Variants in PSTPIP1 observed in about 807,000 individuals in gnomAD.
The protein encoded by PSTPIP1 is proline-serine-threonine phosphatase-interacting protein 1.
PSTPIP1 carries 66 observed loss-of-function variants against 69.6 expected under a neutral mutation model. That is an observed-to-expected ratio of 0.95 (90% confidence interval 0.78 to 1.16). PSTPIP1 has a LOEUF of 1.16. Among genes scored for constraint, PSTPIP1 ranks in the 50% most tolerant of loss-of-function variants. PSTPIP1 has a pLI of 0.00. For missense variants in PSTPIP1, 603 were observed against 557.4 expected (o/e 1.08, Z -0.82); for synonymous variants, 266 against 222.7 (o/e 1.19, Z -1.73).
At chr15:77,009,708 G>A (rs910257184) in intron 1 of PSTPIP1, among the ~76,000 whole-genome samples, 11 of 152,166 alleles carry the variant, frequency 7.2e-5, no homozygotes, top group Non-Finnish European at 1.0e-4. Flanking sequence ...AGTGGGTGAT[G>A]CTCTCATCCC....
chr15:77,030,114 G>C (rs2076379478), intron 8 of PSTPIP1, among the ~76,000 whole-genome samples: 1 of 152,156 alleles, frequency 6.6e-6, no homozygotes, highest in African/African-American at 2.4e-5. Context: ...GTGACCTCCA[G>C]AGATCTGGGC....
chr15:77,003,156 A>G (rs962702709), intron 1 of PSTPIP1, among the ~76,000 whole-genome samples: 4 of 152,040 alleles, frequency 2.6e-5, no homozygotes, highest in Non-Finnish European at 5.9e-5. Context: ...CTCTCATGCA[A>G]AAGAGGACAG....
intron 1 of PSTPIP1, 36 bp from the exon 2 acceptor site, chr15:77,018,112 C>T (rs1450800272): frequency 1.2e-5 from 19 of 1,548,410 alleles, no homozygotes; most frequent in Middle Eastern, 1.7e-4. Flanking sequence ...GTCGCCTGGT[C>T]GTGGCCCTCA....
intron 3 of PSTPIP1, among the ~76,000 whole-genome samples, chr15:77,020,395 A>G (rs2076136783): frequency 6.6e-6 from 1 of 152,102 alleles, no homozygotes; most frequent in Non-Finnish European, 1.5e-5. Flanking sequence ...TCACAAGGAC[A>G]AGCAGAGAGT....
intron 1 of PSTPIP1, chr15:77,015,716 G>A (rs1404499580): frequency 1.4e-5 from 5 of 351,658 alleles, no homozygotes; most frequent in Non-Finnish European, 2.8e-5. Context: ...TGCCCTCGAG[G>A]AAGTGGCAGG....
At chr15:77,013,341 G>T (rs1362240703) in intron 1 of PSTPIP1, among the ~76,000 whole-genome samples, 1 of 152,190 alleles carries the variant, frequency 6.6e-6, no homozygotes, top group Non-Finnish European at 1.5e-5. Context: ...AAAGAGAACA[G>T]GGTCAGTTTC....
At chr15:77,034,815 C>T (rs899180461) in intron 12 of PSTPIP1, among the ~76,000 whole-genome samples, 3 of 152,260 alleles carry the variant, frequency 2.0e-5, no homozygotes, top group Non-Finnish European at 1.5e-5. Context: ...GTGCCCCCAG[C>T]ATCTGCCGCA....
intron 5 of PSTPIP1, 98 bp downstream of exon 5, chr15:77,025,702 A>C: frequency 8.8e-5 from 39 of 440,826 alleles, no homozygotes; most frequent in Non-Finnish European, 1.4e-4. Flanking sequence ...GAGCCAGTGG[A>C]GGGCGGCAGG....
chr15:77,013,412 G>A (rs894648681), intron 1 of PSTPIP1, among the ~76,000 whole-genome samples: 3 of 152,206 alleles, frequency 2.0e-5, no homozygotes, highest in African/African-American at 7.2e-5. Context: ...TCCATGGGGG[G>A]GTGGTGGGGC....
intron 1 of PSTPIP1, among the ~76,000 whole-genome samples, chr15:77,013,473 G>T (rs1568494051): frequency 6.6e-6 from 1 of 152,120 alleles, no homozygotes; most frequent in Non-Finnish European, 1.5e-5. Context: ...TGGTACTGTT[G>T]TAACTGGTGA....
intron 1 of PSTPIP1, among the ~76,000 whole-genome samples, chr15:76,996,652 C>CGTGTGA: frequency 6.6e-6 from 1 of 152,378 alleles, no homozygotes; most frequent in Non-Finnish European, 1.5e-5. Flanking sequence ...CTGTGGCCAG[C>CGTGTGA]GTGTGAGTGT....
chr15:77,014,058 G>A (rs978536923), intron 1 of PSTPIP1, among the ~76,000 whole-genome samples: 1 of 152,128 alleles, frequency 6.6e-6, no homozygotes, highest in Non-Finnish European at 1.5e-5. Context: ...AACTGCCCCT[G>A]GGTGACAGGC....
At chr15:77,009,439 C>T (rs1201960441) in intron 1 of PSTPIP1, among the ~76,000 whole-genome samples, 1 of 152,192 alleles carries the variant, frequency 6.6e-6, no homozygotes, top group Non-Finnish European at 1.5e-5. Context: ...CATATCAGCC[C>T]TATAAGGGCT....
In PSTPIP1 at chr15:77,035,859, T is replaced by C. The variant is rs1309288797; in HGVS notation, c.1043T>C (p.Ile348Thr). The C allele has an allele frequency of 1.9e-6, 3 of 1,610,436 alleles. No individual in the cohort carries two copies. The highest frequency in any genetic ancestry group is 1.7e-4 in the Middle Eastern group (1 of 5,748). The part of the protein sequence containing the change: ...PERNEGVYTA[I>T]AVQEIQGNPA... ...CGGAATGAGGGTGTCTACACAGCCA[T>C]CGCAGTGCAGGAGATACAGGGAAAC... Residue 348 changes from isoleucine (I) to threonine (T), a missense_variant, in exon 14 of 15, where the codon ATC becomes ACC. Transcript: ENST00000558012.
Position 77,025,276 on chromosome 15 carries a change from T to G in PSTPIP1, c.213-8T>G, listed in dbSNP as rs2076253196. ...CCTCCTCCTGACCTGGACCCATCTG[T>G]TTTGCAGCTCCCTGAGGGCCTCCTT... On this transcript the variant is annotated splice_region_variant and splice_polypyrimidine_tract_variant and intron_variant, in intron 3 of 14. Coordinates refer to ENST00000558012, the MANE Select transcript of PSTPIP1 (RefSeq NM_003978.5). 6.2e-7 allele frequency: 1 copy of G among 1,608,178 alleles called. No homozygotes were observed. Among genetic ancestry groups the G allele is most frequent in the African/African-American group, 1.3e-5 (1 of 74,864 alleles).
In PSTPIP1 at chr15:77,031,198, T is replaced by A; in HGVS notation, c.661T>A (p.Phe221Ile). 1 of 1,612,696 alleles carries A rather than the reference T, an allele frequency of 6.2e-7. No homozygotes were observed. The highest frequency in any genetic ancestry group is 1.1e-5 in the South Asian group (1 of 91,066). ...CCCCCAGGCCTTTCAGCTGCAAGAG[T>A]TTGACCGGCTGACCATTCTCCGCAA... is the stretch of plus-strand genomic sequence containing the variant. The part of the protein sequence containing the change: ...TTCEAFQLQE[F>I]DRLTILRNAL... Residue 221 changes from phenylalanine (F) to isoleucine (I), a missense_variant, in exon 10 of 15, where the codon TTT becomes ATT. Physicochemically the swap from Phe to Ile is conservative, Grantham distance 21. Coordinates refer to ENST00000558012, the MANE Select transcript of PSTPIP1 (RefSeq NM_003978.5).
rs762291063 is a variant in PSTPIP1 at position 77,028,629 on chromosome 15, G to A, written c.493G>A (p.Gly165Ser). The change falls in exon 7 of 15, where the codon GGC (glycine) becomes AGC (serine). Residue 165 changes from glycine to serine, a missense_variant. Coordinates refer to ENST00000558012, the MANE Select transcript of PSTPIP1 (RefSeq NM_003978.5). ...EQAFERISAN[G>S]HQKQVEKSQN... Reference sequence around the variant, plus strand: ...GGCCTTCGAGCGCATTAGCGCCAACGGCCACCAGAAGCAGGTGGAGAAGGT... The same window carrying A: ...GGCCTTCGAGCGCATTAGCGCCAACAGCCACCAGAAGCAGGTGGAGAAGGT... 1.7e-5 allele frequency: 27 copies of A among 1,583,266 alleles called. No homozygotes were observed. Among genetic ancestry groups the A allele is most frequent in the Non-Finnish European group, 1.8e-5 (21 of 1,166,188 alleles).
rs112875317 is a variant in PSTPIP1, at chr15:76,995,756, G to T, written c.36+147G>T. ...CTTGGTCTTAATTGTCATGGAGGTG[G>T]CCCAGGCCCCCACCCCTTCTGGACT... is the stretch of plus-strand genomic sequence containing the variant. On this transcript the variant is annotated intron_variant, in intron 1 of 14. Transcript: ENST00000558012. The T allele has an allele frequency of 1.6e-3, 2,359 of 1,434,202 alleles. 30 individuals are homozygous for T. In the African/African-American group the frequency reaches 0.029, roughly 18 times the overall value. 88.8% of individuals were successfully genotyped at this position (1,434,202 alleles called of 1,614,324 possible). A position where few individuals can be genotyped will look rare whatever the true frequency, so the allele number is the denominator to read the frequency against.
At chr15:77,032,220 G>A in intron 10 of PSTPIP1, 78 bp from the exon 11 acceptor site, 1 of 1,453,654 alleles carries the variant, frequency 6.9e-7, no homozygotes, top group East Asian at 2.4e-5. Flanking sequence ...CGGTGGGTGG[G>A]GGCCGCTGGT....
Sources: allele counts gnomAD v4.1 joint callset (sites outside exome capture counted in the v4.1 genomes callset), GRCh38; gene constraint gnomAD v4.1.1; transcripts MANE v1.5; gene names NCBI Gene and HGNC (gene_info 2026-07-23, HGNC 2026-07-21).